Variants in BTD observed in about 807,000 individuals in gnomAD.
BTD encodes biotinidase, also known as biocytinase.
A neutral mutation model predicts 17.7 loss-of-function variants in BTD; 13 were observed. The ratio of observed to expected loss-of-function variants is 0.74; its 90% CI spans 0.48 to 1.17. The LOEUF (loss-of-function observed/expected upper bound fraction) is 1.17. BTD is among the 50% of genes most tolerant of loss of function. The pLI is 0.00. For missense variants in BTD, 674 were observed against 650.4 expected, an observed-to-expected ratio of 1.04 and a Z score of -0.39; for synonymous variants, 240 against 245.2, an observed-to-expected ratio of 0.98 and a Z score of 0.20.
chr3:15,705,646 T>A (rs896540015), intron 3 of BTD, among the ~76,000 whole-genome samples: 2 of 152,220 alleles, frequency 1.3e-5, no homozygotes, highest in Admixed American at 1.3e-4. Flanking sequence ...TTTAAATAGT[T>A]GCTATCTAAA....
chr3:15,604,661 G>T (rs1187937125), intron 1 of BTD, among the ~76,000 whole-genome samples: 2 of 152,152 alleles, frequency 1.3e-5, no homozygotes, highest in African/African-American at 4.8e-5. Context: ...TTTCAAATTT[G>T]TATGCTCTGC....
At chr3:15,658,860 A>G (rs1375550073) in intron 3 of BTD, among the ~76,000 whole-genome samples, 1 of 152,212 alleles carries the variant, frequency 6.6e-6, no homozygotes, top group Non-Finnish European at 1.5e-5. Context: ...GAGTCTTCCC[A>G]TTCACATTTG....
chr3:15,720,508 A>G (rs1168181550), intron 4 of BTD, among the ~76,000 whole-genome samples: 1 of 152,220 alleles, frequency 6.6e-6, no homozygotes, highest in Admixed American at 6.5e-5. Context: ...CTAAGAGAAA[A>G]TTTATATGCT....
chr3:15,611,521 C>T (rs944059592), intron 1 of BTD, among the ~76,000 whole-genome samples: 2 of 152,056 alleles, frequency 1.3e-5, no homozygotes, highest in Non-Finnish European at 2.9e-5. Context: ...AGAAAGAATT[C>T]TTCTAGAAAC....
chr3:15,609,499 G>A (rs1470235411), intron 1 of BTD, among the ~76,000 whole-genome samples: 1 of 152,166 alleles, frequency 6.6e-6, no homozygotes, highest in African/African-American at 2.4e-5. Context: ...TCAAGGTGGA[G>A]GTCATCATCA....
chr3:15,630,126 T>C, intron 1 of BTD: 2 of 975,380 alleles, frequency 2.1e-6, no homozygotes, highest in Non-Finnish European at 2.4e-6. Context: ...GTGTGGTGAG[T>C]AAAAAACAGC....
exon 5 of BTD, among the ~76,000 whole-genome samples, chr3:15,721,996 C>T (rs1021215510): frequency 2.0e-5 from 3 of 152,142 alleles, no homozygotes; most frequent in Non-Finnish European, 4.4e-5. Flanking sequence ...CCACCGGCCT[C>T]GGCCTCCCAA....
At chr3:15,698,237 T>G (rs1464327247) in intron 3 of BTD, among the ~76,000 whole-genome samples, 1 of 152,132 alleles carries the variant, frequency 6.6e-6, no homozygotes, top group South Asian at 2.1e-4. Flanking sequence ...ATGGAATGTA[T>G]CTCAAAATAG....
Position 15,646,843 on chromosome 3 carries a change from C to G in BTD, c.*1355C>G, listed in dbSNP as rs1274759567. On this transcript the variant is annotated 3_prime_UTR_variant, in exon 4 of 4. Transcript: ENST00000643237. ...TCCCCCACGGTGTAGGCCTCCAGAT[C>G]CTTTTCTGGCTTTTAGGCAGGACAA... The G allele has an allele frequency of 6.6e-6, 1 of 152,172 alleles. No homozygotes were observed. The highest frequency in any genetic ancestry group is 1.5e-5 in the Non-Finnish European group (1 of 68,034). The allele number at this position is 152,172 out of a possible 1,614,324, so 9.4% of individuals were successfully genotyped here.
chr3:15,661,064 A>C (rs1052465048), intron 3 of BTD, among the ~76,000 whole-genome samples: 1 of 151,870 alleles, frequency 6.6e-6, no homozygotes, highest in Admixed American at 6.6e-5. Context: ...TCAGGAGTTC[A>C]AGACAAGCCT....
downstream of BTD, chr3:15,714,532 G>GAAA (rs5846873): frequency 0.12 from 131,374 of 1,063,506 alleles, 451 homozygotes; most frequent in Non-Finnish European, 0.13. Context: ...CTACATTTAA[G>GAAA]AAAAAAAAAA....
intron 3 of BTD, chr3:15,686,172 T>C (rs2068101133): frequency 6.3e-7 from 1 of 1,596,714 alleles, no homozygotes; most frequent in Middle Eastern, 1.7e-4. Flanking sequence ...TGTACTCTGG[T>C]TTTCGAAATA....
At chr3:15,640,155 A>G (rs1008688607) in intron 2 of BTD, among the ~76,000 whole-genome samples, 5 of 152,182 alleles carry the variant, frequency 3.3e-5, no homozygotes, top group Admixed American at 6.6e-5. Flanking sequence ...TTGATCCAGT[A>G]ATTTCACTTG....
chr3:15,614,624 GTCTC>G (rs1052356643), intron 1 of BTD, among the ~76,000 whole-genome samples: 4 of 142,236 alleles, frequency 2.8e-5, no homozygotes, highest in South Asian at 4.4e-4. Flanking sequence ...TTGACACAGA[GTCTC>G]TCTCTATTAC....
rs561200836 is a variant in BTD, at chr3:15,640,690, C to T, written c.250-1218C>T. On this transcript the variant is annotated intron_variant, in intron 2 of 3. Coordinates refer to ENST00000643237, the MANE Select transcript of BTD (RefSeq NM_001370658.1). The stretch of plus-strand genomic sequence containing the variant: ...ACAGGCGTGAACTGCCATGCTTGGC[C>T]GTATTTTTTAAAGTTCTTAATGAGG... Among the ~76,000 whole-genome samples the T allele has an allele frequency of 3.3e-3, 495 of 152,036 alleles. 2 individuals are homozygous for T. The highest frequency in any genetic ancestry group is 6.8e-3 in the Middle Eastern group (2 of 294).
At chr3:15,676,846 G>T in intron 3 of BTD, 1 of 659,456 alleles carries the variant, frequency 1.5e-6, no homozygotes, top group Non-Finnish European at 2.5e-6. Flanking sequence ...TTTGACAGTT[G>T]TAAAACTATT....
exon 4 of BTD, among the ~76,000 whole-genome samples, chr3:15,711,756 G>A (rs567086550): frequency 2.0e-5 from 3 of 151,838 alleles, no homozygotes; most frequent in African/African-American, 7.2e-5. Flanking sequence ...GCACAATCTC[G>A]GCTTACTGCA....
chr3:15,651,892 A>G lies in BTD; in HGVS notation c.*6404A>G, dbSNP rs1349358826. On this transcript the variant is annotated 3_prime_UTR_variant, in exon 4 of 4. Coordinates refer to ENST00000643237, the MANE Select transcript of BTD (RefSeq NM_001370658.1). ...GCTTCTTAATGAAAATAACCTTGGTAGCTAGTCTCAAGATTAGCCCCCAGT... is the reference window on the plus strand; with the variant it reads ...GCTTCTTAATGAAAATAACCTTGGTGGCTAGTCTCAAGATTAGCCCCCAGT... 6.6e-6 allele frequency among the ~76,000 whole-genome samples: 1 copy of G among 152,222 alleles called. No homozygotes were observed. Among genetic ancestry groups the G allele is most frequent in the African/African-American group, 2.4e-5 (1 of 41,454 alleles).
intron 3 of BTD, among the ~76,000 whole-genome samples, chr3:15,695,703 C>T (rs867392659): frequency 2.6e-5 from 4 of 152,064 alleles, no homozygotes; most frequent in African/African-American, 9.7e-5. Flanking sequence ...GAAATAAAAA[C>T]GTCCTCTGCA....
Sources: allele counts gnomAD v4.1 joint callset (sites outside exome capture counted in the v4.1 genomes callset), GRCh38; gene constraint gnomAD v4.1.1; transcripts MANE v1.5; gene names NCBI Gene and HGNC (gene_info 2026-07-23, HGNC 2026-07-21).